The following ATG7 variants were observed in gnomAD, a reference collection of about 807,000 sequenced individuals.
The protein encoded by ATG7 is ubiquitin-like modifier-activating enzyme ATG7.
Under a neutral mutation model 82.4 loss-of-function variants are expected in ATG7, and 70 were observed. That is an observed-to-expected ratio of 0.85 (90% CI 0.70 to 1.04). The LOEUF (loss-of-function observed/expected upper bound fraction) is 1.04, where lower values mean the gene tolerates loss of function less well. Among genes scored for constraint, ATG7 ranks in the 50% least tolerant of loss-of-function variants. The pLI is 0.00. For synonymous variants in ATG7, 287 were observed against 313.0 expected, an observed-to-expected ratio of 0.92 and a Z score of 0.88; for missense variants, 792 against 864.3, an observed-to-expected ratio of 0.92 and a Z score of 1.05.
At chr3:11,377,733 CTT>C (rs1302519389) in intron 18 of ATG7, among the ~76,000 whole-genome samples, 1 of 152,120 alleles carries the variant, frequency 6.6e-6, no homozygotes, top group Non-Finnish European at 1.5e-5. Flanking sequence ...TCTAAGTAAA[CTT>C]AATATAAAAG....
chr3:11,550,081 G>A (rs1279267514), intron 20 of ATG7, among the ~76,000 whole-genome samples: 1 of 151,976 alleles, frequency 6.6e-6, no homozygotes, highest in Non-Finnish European at 1.5e-5. Context: ...TTATTATTAA[G>A]TTGTAAGAGT....
chr3:11,509,321 G>A (rs992150544), intron 20 of ATG7, among the ~76,000 whole-genome samples: 1 of 152,160 alleles, frequency 6.6e-6, no homozygotes, highest in African/African-American at 2.4e-5. Context: ...GGGCCAGGCA[G>A]GCCCTCATGC....
At chr3:11,323,306 A>G (rs909946019) in intron 9 of ATG7, among the ~76,000 whole-genome samples, 4 of 152,222 alleles carry the variant, frequency 2.6e-5, no homozygotes, top group African/African-American at 9.6e-5. Flanking sequence ...TGGCTCCCAG[A>G]AAAGCCTGTA....
intron 10 of ATG7, 63 bp downstream of exon 10, chr3:11,331,491 G>A (rs549872402): frequency 1.5e-6 from 2 of 1,307,000 alleles, no homozygotes; most frequent in East Asian, 2.3e-5. Flanking sequence ...TTTACAATGT[G>A]TCTGTTTCTA....
intron 5 of ATG7, among the ~76,000 whole-genome samples, chr3:11,306,455 C>T (rs1283987985): frequency 1.3e-5 from 2 of 152,168 alleles, no homozygotes; most frequent in Non-Finnish European, 2.9e-5. Context: ...TAGAGCAGGA[C>T]CTTGAAGCCT....
At chr3:11,400,451 C>T (rs1044697186) in intron 19 of ATG7, among the ~76,000 whole-genome samples, 9 of 152,122 alleles carry the variant, frequency 5.9e-5, no homozygotes, top group African/African-American at 1.2e-4. Context: ...AAGTTCTCTC[C>T]GTGGAGCAGC....
In ATG7 at chr3:11,531,484, C is replaced by G. The variant is rs139363611; in HGVS notation, c.2080-23327C>G. ...TTACTGGCTGGCATTAGGGTGCTCA[C>G]CTCTCTGTAGATTTCCTTAAGCCCA... On this transcript the variant is annotated intron_variant, in intron 20 of 20. Coordinates refer to ENST00000693202, the MANE Select transcript of ATG7 (RefSeq NM_001349232.2). Among the ~76,000 whole-genome samples, 58 of 152,336 alleles carry G rather than the reference C, an allele frequency of 3.8e-4. 1 individual carries two copies. The highest frequency in any genetic ancestry group is 1.4e-3 in the African/African-American group (58 of 41,566).
At chr3:11,489,986 A>C (rs1345152007) in intron 20 of ATG7, among the ~76,000 whole-genome samples, 1 of 151,986 alleles carries the variant, frequency 6.6e-6, no homozygotes, top group East Asian at 1.9e-4. Flanking sequence ...GTAGATGTCT[A>C]TTAGGTCCGC....
At chr3:11,539,741 G>A (rs1015781548) in intron 20 of ATG7, among the ~76,000 whole-genome samples, 5 of 152,166 alleles carry the variant, frequency 3.3e-5, no homozygotes, top group Non-Finnish European at 5.9e-5. Context: ...CTATTGATGC[G>A]CATACAATCA....
At chr3:11,573,323 GAAAGAAAGAAAGAAAGAAAGA>G in the ATG7 span, among the ~76,000 whole-genome samples, 50 of 34,446 alleles carry the variant, frequency 1.5e-3, no homozygotes, top group East Asian at 0.014. Flanking sequence ...AAGGAAGAAA[GAAAGAAAGAAAGAAAGAAAGA>G]AAGAAAGAAA....
Position 11,380,056 on chromosome 3 carries a change from A to G in ATG7, c.1956+4A>G. 1.9e-6 allele frequency: 3 copies of G among 1,613,130 alleles called. No individual in the cohort carries two copies. The South Asian group carries it at 3.3e-5, about 18-fold the overall frequency. On this transcript the variant is annotated splice_donor_region_variant and intron_variant, in intron 19 of 20. Coordinates refer to ENST00000693202, the MANE Select transcript of ATG7 (RefSeq NM_001349232.2). ...ATGTACAGCTTGTTCTTCCAAAGTA[A>G]GTCATTTTGTATTGGAGGGACTTGT... is the stretch of plus-strand genomic sequence containing the variant.
Position 11,336,873 on chromosome 3 carries a change from A to G in ATG7, c.890-3772A>G, listed in dbSNP as rs562921870. 8.6e-5 allele frequency among the ~76,000 whole-genome samples: 13 copies of G among 151,304 alleles called. No homozygotes were observed. The South Asian group carries it at 1.5e-3, about 17-fold the overall frequency. ...TTTTTTGCAGAGACAGGGTTTCACT[A>G]TGTTGCCCAGGCTGGTCTTGAACTC... On this transcript the variant is annotated intron_variant, in intron 11 of 20. Coordinates refer to ENST00000693202, the MANE Select transcript of ATG7 (RefSeq NM_001349232.2).
At chr3:11,517,535 G>C (rs1315580819) in intron 20 of ATG7, among the ~76,000 whole-genome samples, 1 of 151,796 alleles carries the variant, frequency 6.6e-6, no homozygotes, top group African/African-American at 2.4e-5. Flanking sequence ...GCACACAGAG[G>C]CCTGCTGAGA....
At chr3:11,378,769 G>T (rs888639722) in intron 18 of ATG7, among the ~76,000 whole-genome samples, 2 of 149,434 alleles carry the variant, frequency 1.3e-5, no homozygotes, top group Admixed American at 6.7e-5. Context: ...TGCACAAACA[G>T]TTAACACTGT....
intron 5 of ATG7, among the ~76,000 whole-genome samples, chr3:11,303,917 CAAAAAAAAAA>C (rs55893689): frequency 2.6e-5 from 2 of 75,898 alleles, no homozygotes; most frequent in African/African-American, 4.9e-5. Flanking sequence ...ACTAAAAATG[CAAAAAAAAAA>C]AAAAAAAAAA....
intron 20 of ATG7, among the ~76,000 whole-genome samples, chr3:11,446,051 G>A (rs1351252732): frequency 6.6e-6 from 1 of 151,906 alleles, no homozygotes; most frequent in Non-Finnish European, 1.5e-5. Flanking sequence ...AAAGTATGAT[G>A]GAGCCCAGCG....
chr3:11,417,317 C>T (rs7613512), intron 19 of ATG7, among the ~76,000 whole-genome samples: 3,951 of 152,168 alleles, frequency 0.026, 187 homozygotes, highest in African/African-American at 0.09. Flanking sequence ...TTCTTCTTGC[C>T]GTACTGTTAG....
intron 19 of ATG7, among the ~76,000 whole-genome samples, chr3:11,386,783 A>G (rs949163848): frequency 6.6e-6 from 1 of 152,206 alleles, no homozygotes; most frequent in African/African-American, 2.4e-5. Context: ...TGTGGTATAA[A>G]ATATATCCCA....
intron 20 of ATG7, among the ~76,000 whole-genome samples, chr3:11,537,667 TTCA>T (rs2070438179): frequency 1.3e-5 from 2 of 152,196 alleles, no homozygotes; most frequent in African/African-American, 4.8e-5. Context: ...CACTCCACAC[TTCA>T]TCATCTGCCC....
Sources: gnomAD v4.1 joint callset for allele counts (sites outside exome capture counted in the v4.1 genomes callset) on GRCh38, gnomAD v4.1.1 for gene constraint, MANE v1.5 for transcripts, NCBI Gene and HGNC (gene_info 2026-07-23, HGNC 2026-07-21) for gene names.